Variants in FARS2 observed in about 807,000 individuals in gnomAD.
The protein encoded by FARS2 is phenylalanyl-tRNA synthetase 2, mitochondrial.
Under a neutral mutation model 46.4 loss-of-function variants are expected in FARS2, and 40 were observed. That is an observed-to-expected ratio of 0.86 (90% confidence interval 0.67 to 1.12). The LOEUF is 1.12. Ranked by LOEUF, FARS2 falls within the 50% of genes most tolerant of loss-of-function variation. The pLI is 0.00. For missense variants in FARS2, 513 were observed against 567.9 expected, an observed-to-expected ratio of 0.90 and a Z score of 0.98; for synonymous variants, 234 against 214.9, an observed-to-expected ratio of 1.09 and a Z score of -0.78.
At chr6:5,555,335 G>GAA (rs1457166917) in intron 5 of FARS2, among the ~76,000 whole-genome samples, 2 of 152,056 alleles carry the variant, frequency 1.3e-5, no homozygotes, top group African/African-American at 4.8e-5. Flanking sequence ...CTAATACAGT[G>GAA]TGTAACACTG....
At chr6:5,707,823 C>G (rs9392088) in intron 6 of FARS2, among the ~76,000 whole-genome samples, 57,146 of 152,130 alleles carry the variant, frequency 0.38, 11,440 homozygotes, top group East Asian at 0.81. Context: ...GGGCCCCAGA[C>G]AGGATGAATC....
At chr6:5,268,381 A>G (rs983101032) in intron 1 of FARS2, among the ~76,000 whole-genome samples, 4 of 152,202 alleles carry the variant, frequency 2.6e-5, no homozygotes, top group Non-Finnish European at 5.9e-5. Context: ...TAATTTTTGT[A>G]TAAGGTGTAA....
At chr6:5,331,242 C>T (rs1192458305) in intron 1 of FARS2, among the ~76,000 whole-genome samples, 5 of 151,886 alleles carry the variant, frequency 3.3e-5, no homozygotes, top group Non-Finnish European at 7.4e-5. Flanking sequence ...CTGTCTTAAT[C>T]ATGGCCTTTT....
intron 6 of FARS2, among the ~76,000 whole-genome samples, chr6:5,680,096 A>G (rs1778958926): frequency 6.6e-6 from 1 of 152,158 alleles, no homozygotes; most frequent in South Asian, 2.1e-4. Flanking sequence ...CAGTTATTTT[A>G]ATGATTATTT....
chr6:5,278,500 G>A (rs1176083635), intron 1 of FARS2, among the ~76,000 whole-genome samples: 2 of 152,110 alleles, frequency 1.3e-5, no homozygotes, highest in African/African-American at 2.4e-5. Context: ...TAAAAATGAC[G>A]ATGTTAATGG....
intron 4 of FARS2, among the ~76,000 whole-genome samples, chr6:5,530,652 A>G (rs1769763372): frequency 6.8e-6 from 1 of 148,050 alleles, no homozygotes; most frequent in African/African-American, 2.5e-5. Flanking sequence ...AATATTTAAA[A>G]ATATATTTAT....
intron 4 of FARS2, among the ~76,000 whole-genome samples, chr6:5,447,637 A>G (rs1259528502): frequency 6.6e-6 from 1 of 152,202 alleles, no homozygotes; most frequent in African/African-American, 2.4e-5. Flanking sequence ...CTTATCCTCA[A>G]TAAATGTTTA....
At position 5,765,502 on chromosome 6, in the gene FARS2, G is replaced by C. The variant is rs1461331412; in HGVS notation, c.1218-5789G>C. ...CTTATATTCTGTTTGCCCCTCTCAAGAGGTAAGCTCCTAGCAGGCAGGATA... is the reference window on the plus strand; with the variant it reads ...CTTATATTCTGTTTGCCCCTCTCAACAGGTAAGCTCCTAGCAGGCAGGATA... On this transcript the variant is annotated intron_variant, in intron 6 of 6. Transcript: ENST00000274680. This position sits in a 1 kb window ranked among gnomAD's most constrained non-coding sequence, Gnocchi z 4.0. 6.6e-6 allele frequency among the ~76,000 whole-genome samples: 1 copy of C among 152,186 alleles called. No homozygotes were observed. Among genetic ancestry groups the C allele is most frequent in the Non-Finnish European group, 1.5e-5 (1 of 68,032 alleles).
chr6:5,404,401 C>T (rs573936057), intron 2 of FARS2, 141 bp from the exon 3 acceptor site: 16 of 487,436 alleles, frequency 3.3e-5, no homozygotes, highest in African/African-American at 2.1e-4. Flanking sequence ...AATTTCATTA[C>T]GTTTATTGAC....
chr6:5,528,841 G>A (rs956085829), intron 4 of FARS2, among the ~76,000 whole-genome samples: 1 of 152,104 alleles, frequency 6.6e-6, no homozygotes, highest in African/African-American at 2.4e-5. Context: ...TGACTGATAC[G>A]TGGTGACTGG....
intron 2 of FARS2, among the ~76,000 whole-genome samples, chr6:5,400,811 C>T (rs1448924264): frequency 1.3e-5 from 2 of 151,734 alleles, no homozygotes; most frequent in East Asian, 1.9e-4. Context: ...GTGTCTTTTG[C>T]GTCCCCTATG....
intron 2 of FARS2, among the ~76,000 whole-genome samples, chr6:5,396,643 A>G (rs1760919706): frequency 6.6e-6 from 1 of 152,220 alleles, no homozygotes; most frequent in Non-Finnish European, 1.5e-5. Context: ...GCTCACCGAA[A>G]GTGACAGAAC....
upstream of FARS2, chr6:5,261,035 A>G (rs937567189): frequency 4.5e-6 from 4 of 894,450 alleles, no homozygotes; most frequent in African/African-American, 3.6e-5. Flanking sequence ...GGGACCCAGC[A>G]GCCGCTCCAC....
At chr6:5,648,440 T>A (rs1777183452) in intron 6 of FARS2, among the ~76,000 whole-genome samples, 1 of 152,176 alleles carries the variant, frequency 6.6e-6, no homozygotes, top group Non-Finnish European at 1.5e-5. Context: ...ATGCTGCATG[T>A]CAGGGTTCTC....
chr6:5,525,850 T>A (rs1360894445), intron 4 of FARS2, among the ~76,000 whole-genome samples: 2 of 152,340 alleles, frequency 1.3e-5, no homozygotes, highest in African/African-American at 4.8e-5. Flanking sequence ...TTTCTGTTGG[T>A]GTAGATAGTT....
intron 6 of FARS2, among the ~76,000 whole-genome samples, chr6:5,654,978 A>G (rs960411214): frequency 3.9e-5 from 6 of 152,142 alleles, no homozygotes; most frequent in Admixed American, 6.5e-5. Context: ...TCTCTAGCTT[A>G]CTTGATTGTA....
At chr6:5,377,920 A>G (rs747923787) in intron 2 of FARS2, among the ~76,000 whole-genome samples, 1 of 152,224 alleles carries the variant, frequency 6.6e-6, no homozygotes, top group Non-Finnish European at 1.5e-5. Flanking sequence ...TTACCAATCT[A>G]TGAAATATAT....
At chr6:5,538,745 A>G (rs187425047) in intron 4 of FARS2, among the ~76,000 whole-genome samples, 1 of 152,340 alleles carries the variant, frequency 6.6e-6, no homozygotes, top group Admixed American at 6.5e-5. Context: ...GGTGCGATTC[A>G]GAAGAAATAA....
intron 4 of FARS2, among the ~76,000 whole-genome samples, chr6:5,524,999 G>A (rs776947304): frequency 7.9e-5 from 12 of 152,068 alleles, no homozygotes; most frequent in Non-Finnish European, 1.3e-4. Context: ...TAAAGAGCTG[G>A]CATTGCTTCT....
Sources: allele counts gnomAD v4.1 joint callset (sites outside exome capture counted in the v4.1 genomes callset), GRCh38; gene constraint gnomAD v4.1.1; non-coding constraint Gnocchi (gnomAD v3.1); transcripts MANE v1.5; gene names NCBI Gene and HGNC (gene_info 2026-07-23, HGNC 2026-07-21).